Variants in PHACTR3 observed in about 807,000 individuals in gnomAD.
PHACTR3 encodes protein phosphatase 1, regulatory subunit 123.
PHACTR3 carries 16 observed loss-of-function variants against 66.8 expected under a neutral mutation model. The ratio of observed to expected loss-of-function variants is 0.24; its 90% CI spans 0.16 to 0.36. The LOEUF is 0.36. Among genes scored for constraint, PHACTR3 ranks in the 10% least tolerant of loss-of-function variants. The pLI is 1.00. For synonymous variants in PHACTR3, 323 were observed against 292.1 expected (o/e 1.11, Z -1.08); for missense variants, 647 against 719.9 (o/e 0.90, Z 1.16).
intron 5 of PHACTR3, among the ~76,000 whole-genome samples, chr20:59,772,169 C>T (rs2040382685): frequency 6.6e-6 from 1 of 152,212 alleles, no homozygotes; most frequent in Non-Finnish European, 1.5e-5. Context: ...GAAGACAAAG[C>T]CCATGCTCTC....
chr20:59,672,482 G>T (rs1158212780), intron 1 of PHACTR3, among the ~76,000 whole-genome samples: 2 of 152,326 alleles, frequency 1.3e-5, no homozygotes, highest in Middle Eastern at 3.4e-3. Context: ...AGCCATGGGG[G>T]CTAGGATCTG....
chr20:59,828,897 G>T (rs1164110477), intron 8 of PHACTR3, among the ~76,000 whole-genome samples: 1 of 152,074 alleles, frequency 6.6e-6, no homozygotes, highest in Non-Finnish European at 1.5e-5. Context: ...CCAGGGCTGA[G>T]GCTTGTGGCC....
In PHACTR3 at chr20:59,764,119, A is replaced by T. The variant is rs2040095230; in HGVS notation, c.542-3067A>T. On this transcript the variant is annotated intron_variant, in intron 4 of 12. Transcript: ENST00000371015. Reference sequence around the variant, plus strand: ...GACAACCTGTCAATAGCTCAGAGGGATGTGGAACTGGCCCAAGTCAGTGCT... The same window carrying T: ...GACAACCTGTCAATAGCTCAGAGGGTTGTGGAACTGGCCCAAGTCAGTGCT... Among the ~76,000 whole-genome samples the T allele has an allele frequency of 2.6e-5, 4 of 152,222 alleles. No homozygotes were observed. The South Asian group carries it at 8.3e-4, about 32-fold the overall frequency.
In PHACTR3 at chr20:59,791,905, T is replaced by C. The variant is rs4142008; in HGVS notation, c.1175-14136T>C. 1.1e-4 allele frequency among the ~76,000 whole-genome samples: 16 copies of C among 152,160 alleles called. No individual in the cohort carries two copies. The East Asian group carries it at 2.5e-3, about 24-fold the overall frequency. ...TGCTACTGGTTTCTTATCTGTCCCATTGGGGCTGTTTTATGCTTATACAAG... is the reference window on the plus strand; with the variant it reads ...TGCTACTGGTTTCTTATCTGTCCCACTGGGGCTGTTTTATGCTTATACAAG... On this transcript the variant is annotated intron_variant, in intron 7 of 12. Coordinates refer to ENST00000371015, the MANE Select transcript of PHACTR3 (RefSeq NM_080672.5).
chr20:59,641,284 C>CT (rs2035094601), intron 1 of PHACTR3, among the ~76,000 whole-genome samples: 1 of 152,002 alleles, frequency 6.6e-6, no homozygotes, highest in African/African-American at 2.4e-5. Context: ...CATCCATTGT[C>CT]TGTCTATCTG....
chr20:59,788,727 A>C (rs1333535506), intron 7 of PHACTR3, among the ~76,000 whole-genome samples: 1 of 152,180 alleles, frequency 6.6e-6, no homozygotes, highest in East Asian at 1.9e-4. Flanking sequence ...ATGCACCCTG[A>C]GTTCAGCAGA....
At chr20:59,628,630 G>C in intron 1 of PHACTR3, 1 of 985,398 alleles carries the variant, frequency 1.0e-6, no homozygotes, top group Non-Finnish European at 1.2e-6. Flanking sequence ...GAAACAAAAA[G>C]TACGGGAGAG....
At chr20:59,656,567 G>A (rs1437542189) in intron 1 of PHACTR3, among the ~76,000 whole-genome samples, 1 of 151,852 alleles carries the variant, frequency 6.6e-6, no homozygotes, top group Non-Finnish European at 1.5e-5. Context: ...CTAGCATATA[G>A]TAGTATCAGA....
At chr20:59,835,229 C>T (rs2042491423) in intron 8 of PHACTR3, among the ~76,000 whole-genome samples, 1 of 151,808 alleles carries the variant, frequency 6.6e-6, no homozygotes, top group Non-Finnish European at 1.5e-5. Flanking sequence ...GTGAGCTAGG[C>T]TTTGCATACA....
intron 9 of PHACTR3, among the ~76,000 whole-genome samples, chr20:59,837,256 A>C (rs1347982430): frequency 6.6e-6 from 1 of 152,206 alleles, no homozygotes; most frequent in Admixed American, 6.5e-5. Context: ...TTTCCACAGA[A>C]AGTGTCTTCT....
intron 1 of PHACTR3, among the ~76,000 whole-genome samples, chr20:59,639,070 TGGA>T (rs1338569118): frequency 0.013 from 1,508 of 112,632 alleles, 25 homozygotes; most frequent in African/African-American, 0.047. Context: ...GATGGATGGA[TGGA>T]TGGATGGATG....
At chr20:59,783,067 G>A (rs1157401906) in intron 7 of PHACTR3, among the ~76,000 whole-genome samples, 1 of 152,198 alleles carries the variant, frequency 6.6e-6, no homozygotes, top group Non-Finnish European at 1.5e-5. Flanking sequence ...AAGGCTTCGT[G>A]CAGTGTATGC....
At chr20:59,749,635 G>A (rs2039505411) in intron 3 of PHACTR3, among the ~76,000 whole-genome samples, 1 of 152,196 alleles carries the variant, frequency 6.6e-6, no homozygotes, top group African/African-American at 2.4e-5. Context: ...GAGAGGGTCA[G>A]ATAGTGCATA....
chr20:59,618,838 C>A (rs978759631), intron 1 of PHACTR3, among the ~76,000 whole-genome samples: 12 of 152,210 alleles, frequency 7.9e-5, no homozygotes, highest in African/African-American at 2.9e-4. Flanking sequence ...GAGGTGCTGT[C>A]TCACCCTGAG....
intron 1 of PHACTR3, among the ~76,000 whole-genome samples, chr20:59,579,363 C>T (rs1696634935): frequency 1.3e-5 from 2 of 152,340 alleles, no homozygotes; most frequent in East Asian, 1.9e-4. Context: ...AATATTTTGT[C>T]AGTGGGTCAG....
intron 3 of PHACTR3, 42 bp downstream of exon 3, chr20:59,747,877 G>A: frequency 6.3e-7 from 1 of 1,595,586 alleles, no homozygotes; most frequent in Non-Finnish European, 8.6e-7. Flanking sequence ...CACGGTGCTG[G>A]GAATGCAGAA....
chr20:59,668,485 G>A (rs1233845425), intron 1 of PHACTR3, among the ~76,000 whole-genome samples: 1 of 152,108 alleles, frequency 6.6e-6, no homozygotes, highest in Non-Finnish European at 1.5e-5. Context: ...AGTTTGCAGG[G>A]GTTGTGCAGA....
chr20:59,742,738 A>G (rs2047150829), intron 1 of PHACTR3, among the ~76,000 whole-genome samples: 1 of 152,304 alleles, frequency 6.6e-6, no homozygotes, highest in South Asian at 2.1e-4. Flanking sequence ...GAAGTTTATG[A>G]GGCAGAGAAG....
chr20:59,801,463 C>T (rs1256574279), intron 7 of PHACTR3, among the ~76,000 whole-genome samples: 1 of 152,236 alleles, frequency 6.6e-6, no homozygotes, highest in Non-Finnish European at 1.5e-5. Context: ...TAGCTTTTTA[C>T]TTTGAAGACT....
Sources: allele counts gnomAD v4.1 joint callset (sites outside exome capture counted in the v4.1 genomes callset), GRCh38; gene constraint gnomAD v4.1.1; transcripts MANE v1.5; gene names NCBI Gene and HGNC (gene_info 2026-07-23, HGNC 2026-07-21).